The following TIMM9 variants were observed in gnomAD, a reference collection of about 807,000 sequenced individuals.
The protein encoded by TIMM9 is mitochondrial import inner membrane translocase subunit Tim9.
TIMM9 carries 10 observed loss-of-function variants against 13.4 expected under a neutral mutation model. The observed-to-expected ratio is 0.75, with a 90% CI of 0.46 to 1.26. TIMM9 has a LOEUF of 1.26. TIMM9 is among the 50% of genes most tolerant of loss of function. The probability of loss-of-function intolerance (pLI) is 0.00; values close to 1 mark genes in which losing one functional copy is unlikely to be tolerated. For synonymous variants in TIMM9, 32 were observed against 32.1 expected (o/e 1.00, Z 0.01); for missense variants, 87 against 100.8 (o/e 0.86, Z 0.58).
chr14:58,416,918 G>A (rs1431523046), intron 3 of TIMM9, among the ~76,000 whole-genome samples: 4 of 152,126 alleles, frequency 2.6e-5, no homozygotes, highest in African/African-American at 9.7e-5. Flanking sequence ...GACCAGCCTG[G>A]GTGATATGGT....
chr14:58,416,512 A>C (rs2036413709), intron 3 of TIMM9, among the ~76,000 whole-genome samples: 1 of 152,236 alleles, frequency 6.6e-6, no homozygotes, highest in African/African-American at 2.4e-5. Flanking sequence ...AAAATGTGTT[A>C]CCAGCATAGC....
intron 3 of TIMM9, among the ~76,000 whole-genome samples, chr14:58,419,446 C>G (rs1446529659): frequency 7.6e-6 from 1 of 131,100 alleles, no homozygotes; most frequent in Non-Finnish European, 1.6e-5. Flanking sequence ...TAGAGTGAGA[C>G]CCCGTCACAC....
chr14:58,408,556 G>A lies in TIMM9; in HGVS notation c.*478C>T, dbSNP rs1348505796. ...ATTTGAGGCAGACATGAATGAACAGGACTGCTTGGAGGATGATCCTGATTG... is the reference window on the plus strand; with the variant it reads ...ATTTGAGGCAGACATGAATGAACAGAACTGCTTGGAGGATGATCCTGATTG... On this transcript the variant is annotated 3_prime_UTR_variant, in exon 6 of 6. Coordinates refer to ENST00000395159, the MANE Select transcript of TIMM9 (RefSeq NM_012460.4). The A allele has an allele frequency of 3.1e-6, 5 of 1,613,856 alleles. No homozygotes were observed. The South Asian group carries it at 5.5e-5, about 18-fold the overall frequency.
chr14:58,419,502 CACAA>C (rs1333229659), intron 3 of TIMM9, among the ~76,000 whole-genome samples: 14 of 136,900 alleles, frequency 1.0e-4, no homozygotes, highest in South Asian at 4.7e-4. Flanking sequence ...CACACACACA[CACAA>C]ACACATACAC....
At chr14:58,412,979 T>G (rs2140317888) in intron 3 of TIMM9, among the ~76,000 whole-genome samples, 1 of 152,272 alleles carries the variant, frequency 6.6e-6, no homozygotes, top group East Asian at 1.9e-4. Context: ...TAAAATTACT[T>G]AACTATTCCA....
chr14:58,412,372 C>T (rs1219926308), intron 3 of TIMM9, among the ~76,000 whole-genome samples: 1 of 152,206 alleles, frequency 6.6e-6, no homozygotes, highest in Non-Finnish European at 1.5e-5. Flanking sequence ...GATCTCTTAA[C>T]CTCATGATCC....
At chr14:58,409,565 T>C in intron 5 of TIMM9, among the ~76,000 whole-genome samples, 1 of 152,202 alleles carries the variant, frequency 6.6e-6, no homozygotes, top group East Asian at 1.9e-4. Flanking sequence ...CTTTTACTTA[T>C]TTTAATTTTA....
intron 5 of TIMM9, 127 bp from the exon 6 acceptor site, chr14:58,409,295 T>TC: frequency 9.7e-7 from 1 of 1,028,156 alleles, no homozygotes; most frequent in South Asian, 1.6e-5. Flanking sequence ...TAAATAGTAC[T>TC]AATTGGCAGC....
At chr14:58,423,732 C>G (rs769229727) in intron 3 of TIMM9, 1 of 152,098 alleles carries the variant, frequency 6.6e-6, no homozygotes, top group Non-Finnish European at 1.5e-5. Flanking sequence ...ATGGTGAGAA[C>G]AGGTAGCAGT....
chr14:58,424,924 C>T (rs989783614), intron 2 of TIMM9, among the ~76,000 whole-genome samples: 1 of 152,106 alleles, frequency 6.6e-6, no homozygotes, highest in Non-Finnish European at 1.5e-5. Context: ...TGGGTGCCAA[C>T]ATTAGGTATT....
chr14:58,422,896 G>A (rs1044383778), intron 3 of TIMM9, among the ~76,000 whole-genome samples: 12 of 151,694 alleles, frequency 7.9e-5, no homozygotes, highest in Non-Finnish European at 1.5e-4. Context: ...TACATCTTCC[G>A]CCTCCTGGGT....
chr14:58,411,903 T>C lies in TIMM9; in HGVS notation c.39+4A>G, dbSNP rs773930247. On this transcript the variant is annotated splice_donor_region_variant and intron_variant, in intron 4 of 5. Coordinates refer to ENST00000395159, the MANE Select transcript of TIMM9 (RefSeq NM_012460.4). ...ATCTTTTCCCCTTAATTAGAATACC[T>C]TACCTGTTTTATCTGATCAGATTCT... 6.2e-7 allele frequency: 1 copy of C among 1,613,668 alleles called. No homozygotes were observed. Among genetic ancestry groups the C allele is most frequent in the Non-Finnish European group, 8.5e-7 (1 of 1,179,596 alleles).
chr14:58,422,197 T>A (rs747716921), intron 3 of TIMM9, among the ~76,000 whole-genome samples: 5 of 150,978 alleles, frequency 3.3e-5, no homozygotes, highest in Non-Finnish European at 7.4e-5. Flanking sequence ...CTTACTGCAA[T>A]CTCCGCCTCC....
At position 58,416,781 on chromosome 14, in the gene TIMM9, G is replaced by C. The variant is rs78219991; in HGVS notation, c.-26-4810C>G. On this transcript the variant is annotated intron_variant, in intron 3 of 5. Coordinates refer to ENST00000395159, the MANE Select transcript of TIMM9 (RefSeq NM_012460.4). ...TGGTGATAAACTAAATCAGTGCCATGAGAAAAAGTTTTAGTACTAAATGCA... is the reference window on the plus strand; with the variant it reads ...TGGTGATAAACTAAATCAGTGCCATCAGAAAAAGTTTTAGTACTAAATGCA... Among the ~76,000 whole-genome samples, 3 of 152,180 alleles carry C rather than the reference G, an allele frequency of 2.0e-5. No individual in the cohort carries two copies. The East Asian group carries it at 5.8e-4, about 29-fold the overall frequency.
At chr14:58,414,008 GAAAAAAA>G (rs10656955) in intron 3 of TIMM9, among the ~76,000 whole-genome samples, 7 of 24,172 alleles carry the variant, frequency 2.9e-4, no homozygotes, top group East Asian at 1.4e-3. Context: ...TTCCGTCTCA[GAAAAAAA>G]AAAAAAAAAA....
Position 58,408,587 on chromosome 14 carries a change from C to T in TIMM9, c.*447G>A. ...TTGGAGGATGATCCTGATTGAAAAA[C>T]ATTTCAACGTATCCACAGTCCAGTG... On this transcript the variant is annotated 3_prime_UTR_variant, in exon 6 of 6. Transcript: ENST00000395159. The T allele has an allele frequency of 6.2e-7, 1 of 1,613,460 alleles. No homozygotes were observed. The highest frequency in any genetic ancestry group is 8.5e-7 in the Non-Finnish European group (1 of 1,179,554).
At chr14:58,411,316 C>T (rs949385213) in intron 4 of TIMM9, among the ~76,000 whole-genome samples, 10 of 151,670 alleles carry the variant, frequency 6.6e-5, no homozygotes, top group African/African-American at 1.9e-4. Context: ...GGCGTGGTGG[C>T]GCATGCCTGT....
At chr14:58,418,522 T>G (rs1409577871) in intron 3 of TIMM9, among the ~76,000 whole-genome samples, 2 of 152,140 alleles carry the variant, frequency 1.3e-5, no homozygotes, top group Non-Finnish European at 2.9e-5. Context: ...ACTGTTCCTG[T>G]TTGCATGTAA....
chr14:58,419,391 G>A (rs965274956), intron 3 of TIMM9, among the ~76,000 whole-genome samples: 1 of 148,524 alleles, frequency 6.7e-6, no homozygotes, highest in East Asian at 2.0e-4. Context: ...GGAGGTAGAG[G>A]CTGCAGTAAG....
Sources: allele counts gnomAD v4.1 joint callset (sites outside exome capture counted in the v4.1 genomes callset), GRCh38; gene constraint gnomAD v4.1.1; transcripts MANE v1.5; gene names NCBI Gene and HGNC (gene_info 2026-07-23, HGNC 2026-07-21).